The following TMEM132D variants were observed in gnomAD, a reference collection of about 807,000 sequenced individuals.
TMEM132D encodes transmembrane protein 132D.
In TMEM132D, 21 loss-of-function variants were observed where a neutral mutation model predicts 62.3. The observed-to-expected ratio is 0.34, with a 90% CI of 0.24 to 0.49. The LOEUF is 0.49. Ranked by LOEUF, TMEM132D falls within the 20% of genes least tolerant of loss-of-function variation. The pLI is 0.99. For synonymous variants in TMEM132D, 621 were observed against 575.6 expected (o/e 1.08, Z -1.13); for missense variants, 1,346 against 1,402.8 (o/e 0.96, Z 0.65).
chr12:129,382,821 G>A (rs946015503), intron 3 of TMEM132D, among the ~76,000 whole-genome samples: 2 of 152,286 alleles, frequency 1.3e-5, no homozygotes, highest in Middle Eastern at 3.4e-3. Flanking sequence ...AAGACAGGGG[G>A]AGAAGTCCTA....
chr12:129,820,208 C>A (rs1445919318), intron 1 of TMEM132D, among the ~76,000 whole-genome samples: 1 of 152,196 alleles, frequency 6.6e-6, no homozygotes, highest in African/African-American at 2.4e-5. Context: ...GACCATCTTG[C>A]CTCCCTTAGG....
intron 3 of TMEM132D, among the ~76,000 whole-genome samples, chr12:129,516,178 A>C (rs1017472304): frequency 6.6e-6 from 1 of 151,966 alleles, no homozygotes; most frequent in Non-Finnish European, 1.5e-5. Context: ...ATGGACTTGG[A>C]CTCAGACCCT....
intron 3 of TMEM132D, among the ~76,000 whole-genome samples, chr12:129,525,666 G>A (rs538006940): frequency 4.3e-4 from 66 of 152,314 alleles, no homozygotes; most frequent in Non-Finnish European, 6.5e-4. Flanking sequence ...GGCTGGCATT[G>A]TTATGCCAAT....
At chr12:129,584,466 A>T (rs977006880) in intron 2 of TMEM132D, among the ~76,000 whole-genome samples, 4 of 152,154 alleles carry the variant, frequency 2.6e-5, no homozygotes, top group Non-Finnish European at 4.4e-5. Context: ...CTTTGGCCTC[A>T]TGGTGGGTGG....
intron 3 of TMEM132D, among the ~76,000 whole-genome samples, chr12:129,452,473 C>T (rs1010277650): frequency 2.3e-4 from 35 of 152,298 alleles, no homozygotes; most frequent in African/African-American, 7.7e-4. Context: ...TTGCAAGGGG[C>T]TTCATCCTTG....
rs1310933356 is a variant in TMEM132D, at chr12:129,074,885, C to T, written c.2290G>A (p.Gly764Ser). Residue 764 changes from glycine (G) to serine (S), a missense_variant, in exon 9 of 9, where the codon GGC (glycine) becomes AGC (serine). Gly to Ser is a moderately conservative substitution (Grantham distance 56, BLOSUM62 0). Transcript: ENST00000422113. Reference sequence around the variant, plus strand: ...ACCATTTCCACCTTGACCAGGGTGCCTTGTCCTTCTGTTTCCGCAGCAATG... The same window carrying T: ...ACCATTTCCACCTTGACCAGGGTGCTTTGTCCTTCTGTTTCCGCAGCAATG... ...PIIAAETEGQ[G>S]TLVKVEMVIS... 8 of 1,613,946 alleles carry T rather than the reference C, an allele frequency of 5.0e-6. No individual in the cohort carries two copies. Among genetic ancestry groups the T allele is most frequent in the Non-Finnish European group, 6.8e-6 (8 of 1,180,024 alleles).
chr12:129,136,984 A>T (rs1382640731), intron 5 of TMEM132D, among the ~76,000 whole-genome samples: 16 of 149,264 alleles, frequency 1.1e-4, no homozygotes, highest in Non-Finnish European at 1.5e-5. Flanking sequence ...CATCAACAGC[A>T]TCATCAGCAT....
chr12:129,336,509 T>A (rs1050115311), intron 4 of TMEM132D, among the ~76,000 whole-genome samples: 2 of 151,764 alleles, frequency 1.3e-5, no homozygotes, highest in African/African-American at 4.9e-5. Context: ...ACGGCAAAGG[T>A]TGCAGTGAGC....
chr12:129,491,403 C>T (rs1874791881), intron 3 of TMEM132D, among the ~76,000 whole-genome samples: 1 of 152,216 alleles, frequency 6.6e-6, no homozygotes, highest in African/African-American at 2.4e-5. Context: ...ACTCCAGTTT[C>T]CAGCCACCCT....
intron 3 of TMEM132D, among the ~76,000 whole-genome samples, chr12:129,420,336 A>G (rs1308613614): frequency 7.9e-5 from 5 of 63,424 alleles, no homozygotes; most frequent in Admixed American, 2.0e-4. Flanking sequence ...TTTTTGCAGT[A>G]TCTGGGCCAC....
Position 129,867,379 on chromosome 12 carries a change from C to T in TMEM132D, c.79+35882G>A, listed in dbSNP as rs1390022547. ...GAAACCACATGATCTCACTCACATG[C>T]AGAATCTAAAAAAGCTAAACTCAGA... On this transcript the variant is annotated intron_variant, in intron 1 of 8. Coordinates refer to ENST00000422113, the MANE Select transcript of TMEM132D (RefSeq NM_133448.3). This position sits in a 1 kb window ranked among gnomAD's most constrained non-coding sequence, Gnocchi z 4.5. Among the ~76,000 whole-genome samples, 1 of 152,182 alleles carries T rather than the reference C, an allele frequency of 6.6e-6. No homozygotes were observed. The highest frequency in any genetic ancestry group is 6.5e-5 in the Admixed American group (1 of 15,276).
intron 1 of TMEM132D, among the ~76,000 whole-genome samples, chr12:129,891,088 C>T (rs1032050934): frequency 3.3e-5 from 5 of 152,102 alleles, no homozygotes; most frequent in African/African-American, 7.2e-5. Context: ...TCCTCTTCCC[C>T]GGTGACTCGG....
At chr12:129,370,259 T>G (rs1204890129) in intron 3 of TMEM132D, among the ~76,000 whole-genome samples, 1 of 152,226 alleles carries the variant, frequency 6.6e-6, no homozygotes, top group Non-Finnish European at 1.5e-5. Flanking sequence ...AGAGAGACAT[T>G]GAGAAACATT....
At chr12:129,793,121 C>A (rs920727501) in intron 1 of TMEM132D, among the ~76,000 whole-genome samples, 2 of 149,786 alleles carry the variant, frequency 1.3e-5, no homozygotes, top group Non-Finnish European at 3.0e-5. Flanking sequence ...ACTGTGTTGT[C>A]CAAGCTGGTT....
At chr12:129,308,613 T>C (rs1424475112) in intron 4 of TMEM132D, among the ~76,000 whole-genome samples, 1 of 152,166 alleles carries the variant, frequency 6.6e-6, no homozygotes, top group Non-Finnish European at 1.5e-5. Context: ...AAATTGAATA[T>C]AGAGGCAAAA....
In TMEM132D at chr12:129,334,671, C is replaced by A. The variant is rs1869219305; in HGVS notation, c.1299+2963G>T. Among the ~76,000 whole-genome samples the A allele has an allele frequency of 2.0e-5, 3 of 152,182 alleles. No homozygotes were observed. The East Asian group carries it at 5.8e-4, about 29-fold the overall frequency. ...TCTATCACCCAGGCTCGCTCTGTCA[C>A]CTCCGCCTCCTGGGTTCAAGCCATT... is the stretch of plus-strand genomic sequence containing the variant. On this transcript the variant is annotated intron_variant, in intron 4 of 8. Coordinates refer to ENST00000422113, the MANE Select transcript of TMEM132D (RefSeq NM_133448.3).
intron 1 of TMEM132D, among the ~76,000 whole-genome samples, chr12:129,761,157 A>C (rs1041836733): frequency 1.3e-5 from 2 of 152,218 alleles, no homozygotes; most frequent in Admixed American, 1.3e-4. Context: ...ACCTCGTTCC[A>C]GTGTCATCCT....
At chr12:129,205,378 A>G (rs1246200046) in intron 5 of TMEM132D, among the ~76,000 whole-genome samples, 5 of 56,712 alleles carry the variant, frequency 8.8e-5, no homozygotes, top group African/African-American at 3.2e-4. Context: ...TAATTTCAGA[A>G]AAAAAAAAAA....
intron 8 of TMEM132D, 78 bp downstream of exon 8, chr12:129,078,456 C>G (rs1439545806): frequency 4.8e-6 from 7 of 1,462,240 alleles, no homozygotes; most frequent in Non-Finnish European, 6.5e-6. Flanking sequence ...TGCGACCCGC[C>G]TGGCGTGGTG....
Sources: gnomAD v4.1 joint callset for allele counts (sites outside exome capture counted in the v4.1 genomes callset) on GRCh38, gnomAD v4.1.1 for gene constraint, Gnocchi (gnomAD v3.1) non-coding constraint, MANE v1.5 for transcripts, NCBI Gene and HGNC (gene_info 2026-07-23, HGNC 2026-07-21) for gene names.